The following RBFOX3 variants were observed in gnomAD, a reference collection of about 807,000 sequenced individuals.
RBFOX3 encodes the protein RNA binding fox-1 homolog 3, also known as RNA binding protein fox-1 homolog 3.
In RBFOX3, 17 loss-of-function variants were observed where a neutral mutation model predicts 48.7. That is an observed-to-expected ratio of 0.35 (90% CI 0.24 to 0.52). The LOEUF is 0.52. Ranked by LOEUF, RBFOX3 falls within the 20% of genes least tolerant of loss-of-function variation. The probability of loss-of-function intolerance (pLI) is 0.94; values close to 1 mark genes in which losing one functional copy is unlikely to be tolerated. For missense variants in RBFOX3, 382 were observed against 497.5 expected, an observed-to-expected ratio of 0.77 and a Z score of 2.21; for synonymous variants, 212 against 209.5, an observed-to-expected ratio of 1.01 and a Z score of -0.10.
the RBFOX3 span, among the ~76,000 whole-genome samples, chr17:79,656,366 C>A: frequency 6.6e-6 from 1 of 152,184 alleles, no homozygotes; most frequent in Non-Finnish European, 1.5e-5. Context: ...GTAATCCCAG[C>A]ACTTTGGGAG....
chr17:79,112,197 C>T (rs967152238), intron 5 of RBFOX3, among the ~76,000 whole-genome samples: 3 of 152,134 alleles, frequency 2.0e-5, no homozygotes, highest in South Asian at 2.1e-4. Context: ...CCGAGGGTAT[C>T]GAGACCACAA....
chr17:79,546,771 G>A (rs2090499211), intron 1 of RBFOX3, among the ~76,000 whole-genome samples: 1 of 151,354 alleles, frequency 6.6e-6, no homozygotes, highest in African/African-American at 2.4e-5. Flanking sequence ...CCAGGTTGAA[G>A]TGATTCTCCT....
chr17:79,484,959 A>G (rs35289057), intron 1 of RBFOX3, among the ~76,000 whole-genome samples: 23 of 152,096 alleles, frequency 1.5e-4, no homozygotes, highest in South Asian at 1.0e-3. Flanking sequence ...AATAGGATAC[A>G]CTTCTGGTCC....
chr17:79,196,650 G>A (rs1000009313), intron 4 of RBFOX3, among the ~76,000 whole-genome samples: 4 of 152,074 alleles, frequency 2.6e-5, no homozygotes, highest in South Asian at 2.1e-4. Context: ...CTCTTCACCC[G>A]GATGGACTGC....
intron 3 of RBFOX3, among the ~76,000 whole-genome samples, chr17:79,247,825 A>C (rs1487944306): frequency 6.6e-6 from 1 of 152,206 alleles, no homozygotes; most frequent in African/African-American, 2.4e-5. Flanking sequence ...GATGGTTGGT[A>C]AACCTCCCAT....
chr17:79,255,612 C>T (rs2064699089), intron 3 of RBFOX3, among the ~76,000 whole-genome samples: 1 of 152,100 alleles, frequency 6.6e-6, no homozygotes, highest in African/African-American at 2.4e-5. Flanking sequence ...CCCCTGGCGA[C>T]CGCGTCTCCC....
intron 2 of RBFOX3, among the ~76,000 whole-genome samples, chr17:79,475,899 A>C (rs2077672180): frequency 6.6e-6 from 1 of 152,124 alleles, no homozygotes; most frequent in Admixed American, 6.5e-5. Flanking sequence ...TGCCCTCCTG[A>C]TTTTGGATCC....
At chr17:79,381,010 C>T (rs1236120018) in intron 2 of RBFOX3, among the ~76,000 whole-genome samples, 2 of 152,090 alleles carry the variant, frequency 1.3e-5, no homozygotes, top group African/African-American at 4.8e-5. Context: ...GCCTGTAATC[C>T]CAGCACTTTG....
intron 2 of RBFOX3, among the ~76,000 whole-genome samples, chr17:79,430,267 TCCAAATAA>T (rs2068174723): frequency 1.2e-5 from 1 of 86,192 alleles, no homozygotes; most frequent in African/African-American, 4.4e-5. Flanking sequence ...TAAAACATCT[TCCAAATAA>T]ATAAATAAAT....
At chr17:79,135,482 C>G (rs1022440407) in intron 4 of RBFOX3, among the ~76,000 whole-genome samples, 3 of 152,174 alleles carry the variant, frequency 2.0e-5, no homozygotes, top group Admixed American at 2.0e-4. Context: ...AGGCCTGAGC[C>G]CCTTACAGGA....
chr17:79,508,397 T>C (rs1202928859), intron 1 of RBFOX3, among the ~76,000 whole-genome samples: 1 of 152,140 alleles, frequency 6.6e-6, no homozygotes, highest in Non-Finnish European at 1.5e-5. Flanking sequence ...CCCGACCTCC[T>C]CCGCCTGCCT....
At chr17:79,283,014 C>CA (rs1318481261) in intron 3 of RBFOX3, among the ~76,000 whole-genome samples, 1 of 152,092 alleles carries the variant, frequency 6.6e-6, no homozygotes, top group Non-Finnish European at 1.5e-5. Flanking sequence ...AAGCCACCAG[C>CA]ATCACAGGCA....
At chr17:79,304,394 A>T (rs1267352580) in intron 3 of RBFOX3, among the ~76,000 whole-genome samples, 1 of 150,348 alleles carries the variant, frequency 6.7e-6, no homozygotes, top group Non-Finnish European at 1.5e-5. Context: ...ATTTGTATAT[A>T]ATGTAAATAT....
chr17:79,625,362 G>A, the RBFOX3 span, among the ~76,000 whole-genome samples: 1 of 152,194 alleles, frequency 6.6e-6, no homozygotes, highest in African/African-American at 2.4e-5. Flanking sequence ...TTTCATTGCT[G>A]AGTAGTATTC....
intron 2 of RBFOX3, among the ~76,000 whole-genome samples, chr17:79,358,747 C>T (rs2085720946): frequency 6.6e-6 from 1 of 152,220 alleles, no homozygotes; most frequent in African/African-American, 2.4e-5. Flanking sequence ...AGGTGTGAGC[C>T]TCCGTGCTCG....
chr17:79,112,366 G>A (rs1270326523), intron 5 of RBFOX3, among the ~76,000 whole-genome samples: 2 of 152,180 alleles, frequency 1.3e-5, no homozygotes, highest in Non-Finnish European at 2.9e-5. Flanking sequence ...GTCGGGAAAG[G>A]CCCTGAGTTG....
chr17:79,605,745 C>A (rs1258605673), intron 1 of RBFOX3, among the ~76,000 whole-genome samples: 1 of 152,242 alleles, frequency 6.6e-6, no homozygotes, highest in Non-Finnish European at 1.5e-5. Context: ...TAAAAGAAAA[C>A]TTGCAGTAGC....
rs782208701 is a variant in RBFOX3 at position 79,421,067 on chromosome 17, C to T, written c.-175+61387G>A. On this transcript the variant is annotated intron_variant, in intron 2 of 14. Coordinates refer to ENST00000693108, the MANE Select transcript of RBFOX3 (RefSeq NM_001350451.2). This position sits in a 1 kb window ranked among gnomAD's most constrained non-coding sequence, Gnocchi z 4.5. ...ACTGGGTGAGCCTCCCCAGGTGGGT[C>T]GAGGGCCTTCCCTGCTGGGTGAGCC... Among the ~76,000 whole-genome samples, 5 of 151,738 alleles carry T rather than the reference C, an allele frequency of 3.3e-5. No homozygotes were observed. Among genetic ancestry groups the T allele is most frequent in the African/African-American group, 4.8e-5 (2 of 41,302 alleles).
chr17:79,493,763 G>A (rs1274612989), intron 1 of RBFOX3, among the ~76,000 whole-genome samples: 1 of 152,104 alleles, frequency 6.6e-6, no homozygotes, highest in South Asian at 2.1e-4. Flanking sequence ...TATATTTGTT[G>A]GATAAATGGA....
Sources: allele counts gnomAD v4.1 joint callset (sites outside exome capture counted in the v4.1 genomes callset), GRCh38; gene constraint gnomAD v4.1.1; non-coding constraint Gnocchi (gnomAD v3.1); transcripts MANE v1.5; gene names NCBI Gene and HGNC (gene_info 2026-07-23, HGNC 2026-07-21).